Variants in SPATA17 observed in about 807,000 individuals in gnomAD.
SPATA17 encodes the protein spermatogenesis associated 17, also known as spermatogenesis-associated protein 17.
Under a neutral mutation model 62.2 loss-of-function variants are expected in SPATA17, and 53 were observed. That is an observed-to-expected ratio of 0.85 (90% CI 0.68 to 1.07). The LOEUF is 1.07. Among genes scored for constraint, SPATA17 ranks in the 50% least tolerant of loss-of-function variants. The pLI is 0.00. For missense variants in SPATA17, 466 were observed against 425.5 expected (o/e 1.10, Z -0.84); for synonymous variants, 146 against 146.8 (o/e 0.99, Z 0.04).
intron 5 of SPATA17, among the ~76,000 whole-genome samples, chr1:217,694,734 T>C (rs1050592410): frequency 9.3e-5 from 14 of 151,084 alleles, no homozygotes; most frequent in African/African-American, 3.4e-4. Context: ...AAGGATTTTA[T>C]TTCTCCTTCA....
intron 9 of SPATA17, among the ~76,000 whole-genome samples, chr1:217,817,856 TC>T (rs1186631375): frequency 6.6e-6 from 1 of 152,056 alleles, no homozygotes; most frequent in East Asian, 1.9e-4. Flanking sequence ...GCCAATAATT[TC>T]CCTGTAACTT....
chr1:217,669,698 T>G (rs1047053594), intron 4 of SPATA17, among the ~76,000 whole-genome samples: 2 of 152,126 alleles, frequency 1.3e-5, no homozygotes, highest in Admixed American at 6.5e-5. Context: ...TGGAGAAATT[T>G]CTTAAGTGAA....
chr1:217,817,266 C>T (rs911290266), intron 9 of SPATA17, among the ~76,000 whole-genome samples: 1 of 151,992 alleles, frequency 6.6e-6, no homozygotes, highest in Non-Finnish European at 1.5e-5. Flanking sequence ...TCCCATAATC[C>T]TCAACTGTGG....
intron 9 of SPATA17, among the ~76,000 whole-genome samples, chr1:217,855,348 A>G (rs1406239884): frequency 1.3e-5 from 2 of 152,172 alleles, no homozygotes; most frequent in Non-Finnish European, 2.9e-5. Flanking sequence ...CTATGATAAA[A>G]CCACTAACAG....
chr1:217,782,809 A>G lies in SPATA17; in HGVS notation c.872+487A>G, dbSNP rs540098215. ...AAAAGATGAAGAATCATTTAATAGC[A>G]TATGTAATTTTAAATTTTTTTTAGC... On this transcript the variant is annotated intron_variant, in intron 8 of 10. Coordinates refer to ENST00000366933, the MANE Select transcript of SPATA17 (RefSeq NM_138796.4). Among the ~76,000 whole-genome samples the G allele has an allele frequency of 4.9e-5, 5 of 102,556 alleles. No individual in the cohort carries two copies. The South Asian group carries it at 1.0e-3, about 21-fold the overall frequency. The allele number at this position is 102,556 out of a possible 152,430, so 67.3% of individuals were successfully genotyped here.
At chr1:217,761,050 T>A (rs1026052499) in intron 6 of SPATA17, among the ~76,000 whole-genome samples, 1 of 152,168 alleles carries the variant, frequency 6.6e-6, no homozygotes, top group Non-Finnish European at 1.5e-5. Flanking sequence ...TAGAAATCAC[T>A]ATGGGATTTG....
chr1:217,859,237 TTA>T (rs1180650185), intron 9 of SPATA17, among the ~76,000 whole-genome samples: 21 of 146,942 alleles, frequency 1.4e-4, no homozygotes, highest in Admixed American at 1.2e-3. Flanking sequence ...ATATAAAATT[TTA>T]TATATTATGT....
intron 6 of SPATA17, among the ~76,000 whole-genome samples, chr1:217,773,410 A>G (rs1013888357): frequency 6.6e-6 from 1 of 152,176 alleles, no homozygotes; most frequent in African/African-American, 2.4e-5. Flanking sequence ...ATATTTACAT[A>G]TACACATATG....
intron 9 of SPATA17, among the ~76,000 whole-genome samples, chr1:217,832,897 T>G (rs1437922128): frequency 6.6e-6 from 1 of 151,908 alleles, no homozygotes; most frequent in African/African-American, 2.4e-5. Context: ...TGAGCTGGGA[T>G]TGTACCACTG....
At chr1:217,859,048 A>G (rs1675841580) in intron 9 of SPATA17, among the ~76,000 whole-genome samples, 2 of 149,424 alleles carry the variant, frequency 1.3e-5, no homozygotes, top group Non-Finnish European at 1.5e-5. Context: ...TAAATAAAAT[A>G]AAATAAAATT....
chr1:217,696,365 C>T (rs922515901), intron 5 of SPATA17, among the ~76,000 whole-genome samples: 31 of 152,272 alleles, frequency 2.0e-4, no homozygotes, highest in African/African-American at 6.3e-4. Context: ...GCACAGTGCG[C>T]GCACCCACTG....
At chr1:217,638,121 T>C (rs1187220138) in intron 1 of SPATA17, among the ~76,000 whole-genome samples, 1 of 151,906 alleles carries the variant, frequency 6.6e-6, no homozygotes, top group East Asian at 1.9e-4. Context: ...AATTGAAAAA[T>C]TTTTTGGCTA....
At chr1:217,682,652 G>GGTATTTAT (rs1671113852) in intron 4 of SPATA17, among the ~76,000 whole-genome samples, 1 of 151,968 alleles carries the variant, frequency 6.6e-6, no homozygotes, top group South Asian at 2.1e-4. Flanking sequence ...CTGTAAATGA[G>GGTATTTAT]GTAATGAGTA....
In SPATA17 at chr1:217,789,968, C is replaced by T. The variant is rs139681476; in HGVS notation, c.872+7646C>T. ...ACAAGAATCGCTTGAATCTGAGAGG[C>T]GGAGGTGGCAGTGAGCCCAGATCGC... On this transcript the variant is annotated intron_variant, in intron 8 of 10. Transcript: ENST00000366933. 3.4e-3 allele frequency among the ~76,000 whole-genome samples: 525 copies of T among 152,214 alleles called. 2 individuals carry two copies. The highest frequency in any genetic ancestry group is 0.012 in the African/African-American group (499 of 41,546).
At chr1:217,682,550 G>A (rs760661538) in intron 4 of SPATA17, among the ~76,000 whole-genome samples, 1 of 152,098 alleles carries the variant, frequency 6.6e-6, no homozygotes, top group Non-Finnish European at 1.5e-5. Context: ...GCTCTCTGAA[G>A]CCCTAACTTG....
intron 2 of SPATA17, among the ~76,000 whole-genome samples, chr1:217,650,733 T>C (rs1670293111): frequency 6.6e-6 from 1 of 152,228 alleles, no homozygotes; most frequent in South Asian, 2.1e-4. Context: ...CCTCATGAAT[T>C]ATTTCTAATT....
intron 8 of SPATA17, among the ~76,000 whole-genome samples, chr1:217,786,514 A>G (rs1206355715): frequency 6.6e-6 from 1 of 152,188 alleles, no homozygotes; most frequent in African/African-American, 2.4e-5. Context: ...AGCAGGAGAA[A>G]GAAAAATTGC....
chr1:217,820,991 T>G (rs777955014), intron 9 of SPATA17, among the ~76,000 whole-genome samples: 2 of 152,098 alleles, frequency 1.3e-5, no homozygotes, highest in South Asian at 2.1e-4. Context: ...AGCAGGCATG[T>G]GCAAAGAGGG....
intron 5 of SPATA17, among the ~76,000 whole-genome samples, chr1:217,733,893 T>C (rs1440984403): frequency 6.6e-6 from 1 of 152,200 alleles, no homozygotes; most frequent in East Asian, 1.9e-4. Context: ...GACTATGTGC[T>C]ACAGAATATT....
Sources: gnomAD v4.1 joint callset for allele counts (sites outside exome capture counted in the v4.1 genomes callset) on GRCh38, gnomAD v4.1.1 for gene constraint, MANE v1.5 for transcripts, NCBI Gene and HGNC (gene_info 2026-07-23, HGNC 2026-07-21) for gene names.